The following CYB5D2 variants were observed in gnomAD, a reference collection of about 807,000 sequenced individuals.
CYB5D2 encodes neuferricin.
In CYB5D2, 23 loss-of-function variants were observed where a neutral mutation model predicts 22.8. The observed-to-expected ratio is 1.01, with a 90% CI of 0.73 to 1.43. CYB5D2 has a LOEUF of 1.43. Among genes scored for constraint, CYB5D2 ranks in the 40% most tolerant of loss-of-function variants. The pLI is 0.00. For missense variants in CYB5D2, 373 were observed against 357.2 expected (o/e 1.04, Z -0.36); for synonymous variants, 170 against 152.2 (o/e 1.12, Z -0.86).
At chr17:4,153,261 C>T (rs1049869972) in intron 2 of CYB5D2, among the ~76,000 whole-genome samples, 1 of 151,900 alleles carries the variant, frequency 6.6e-6, no homozygotes, top group Non-Finnish European at 1.5e-5. Context: ...AAGCTGAGAC[C>T]GGCAGGTGAG....
chr17:4,155,669 C>G (rs2059105992), intron 3 of CYB5D2, among the ~76,000 whole-genome samples: 1 of 152,198 alleles, frequency 6.6e-6, no homozygotes, highest in African/African-American at 2.4e-5. Context: ...GTGACACAGG[C>G]CTGAATGCAG....
Position 4,157,033 on chromosome 17 carries a change from A to G in CYB5D2, c.746A>G (p.Glu249Gly). 1 of 1,612,592 alleles carries G rather than the reference A, an allele frequency of 6.2e-7. No homozygotes were observed. The highest frequency in any genetic ancestry group is 8.5e-7 in the Non-Finnish European group (1 of 1,180,006). Residue 249 changes from glutamate to glycine, a missense_variant, in exon 4 of 4, where the codon GAG (glutamate) becomes GGG (glycine). Transcript: ENST00000301391. This position sits in a 1 kb window ranked among gnomAD's most constrained non-coding sequence, Gnocchi z 4.4. ...RGDLDHPNLA[E>G]YTGCPPLAIT... ...GACCTGGACCACCCAAACTTGGCAG[A>G]GTACACAGGCTGCCCACCGCTAGCC...
Position 4,143,672 on chromosome 17 carries a change from T to C in CYB5D2, c.-84T>C. The C allele has an allele frequency of 6.6e-7, 1 of 1,511,690 alleles. No individual in the cohort carries two copies. Among genetic ancestry groups the C allele is most frequent in the Non-Finnish European group, 8.9e-7 (1 of 1,129,304 alleles). The allele number at this position is 1,511,690 out of a possible 1,614,324, so 93.6% of individuals were successfully genotyped here. On this transcript the variant is annotated 5_prime_UTR_variant, in exon 1 of 4. It removes an upstream start codon present in the reference 5' UTR. Transcript: ENST00000301391. ...GAGAGAGCGAGAGCGCGCGCGCCGA[T>C]GACGTCACGCTCGGCGTCTCGGCCA...
chr17:4,152,192 A>C (rs894743411), intron 2 of CYB5D2, among the ~76,000 whole-genome samples: 1 of 152,162 alleles, frequency 6.6e-6, no homozygotes, highest in Admixed American at 6.5e-5. Flanking sequence ...GAAATGCCTC[A>C]GAAGGATTTT....
chr17:4,150,107 G>A, intron 2 of CYB5D2, 76 bp downstream of exon 2: 1 of 1,547,528 alleles, frequency 6.5e-7, no homozygotes, highest in Non-Finnish European at 8.8e-7. Flanking sequence ...TTTAGGGATT[G>A]GGTTCAAGCT....
At chr17:4,156,463 G>A (rs1034167845) in intron 3 of CYB5D2, among the ~76,000 whole-genome samples, 24 of 152,266 alleles carry the variant, frequency 1.6e-4, no homozygotes, top group Non-Finnish European at 3.2e-4. Flanking sequence ...CCTGACCTGC[G>A]CTGGGTTGTA....
rs915571009 is a variant in CYB5D2 at position 4,143,442 on chromosome 17, C to A, written c.-314C>A. ...TTGGGAGGCTGAGGCAGGAGAATCG[C>A]TTGAACCCGGGAGGCGGAGGTTGCA... On this transcript the variant is annotated 5_prime_UTR_variant, in exon 1 of 4. Transcript: ENST00000301391. 1 of 221,870 alleles carries A rather than the reference C, an allele frequency of 4.5e-6. No homozygotes were observed. The highest frequency in any genetic ancestry group is 5.4e-5 in the Admixed American group (1 of 18,406). 13.7% of individuals were successfully genotyped at this position (221,870 alleles called of 1,614,324 possible).
At chr17:4,146,811 C>G (rs769640895) in intron 1 of CYB5D2, among the ~76,000 whole-genome samples, 2 of 152,020 alleles carry the variant, frequency 1.3e-5, no homozygotes, top group Non-Finnish European at 2.9e-5. Flanking sequence ...TTATTCCTTC[C>G]TTTGCCAACC....
chr17:4,157,644 A>G lies in CYB5D2; in HGVS notation c.*562A>G, dbSNP rs916855966. The stretch of plus-strand genomic sequence containing the variant: ...GAGCAAAAGGTGGCTTCCCAGCTCT[A>G]ACAAGGTAACTGGTTAGCATGACAT... On this transcript the variant is annotated 3_prime_UTR_variant, in exon 4 of 4. Transcript: ENST00000301391. This position sits in a 1 kb window ranked among gnomAD's most constrained non-coding sequence, Gnocchi z 4.4. 1 of 156,948 alleles carries G rather than the reference A, an allele frequency of 6.4e-6. No homozygotes were observed. Among genetic ancestry groups the G allele is most frequent in the African/African-American group, 2.4e-5 (1 of 41,490 alleles). 9.7% of individuals were successfully genotyped at this position (156,948 alleles called of 1,614,324 possible). A position where few individuals can be genotyped will look rare whatever the true frequency, so the allele number is the denominator to read the frequency against.
Position 4,143,790 on chromosome 17 carries a change from G to T in CYB5D2, c.35G>T (p.Gly12Val), listed in dbSNP as rs1376650058. ...LRCGGRGLLL[G>V]LAVAAAAVMA... ...TGCGGAGGCCGTGGGCTTTTGTTGG[G>T]CCTGGCTGTAGCCGCAGCAGCGGTA... The change falls in exon 1 of 4, where the codon GGC becomes GTC. Residue 12 changes from glycine to valine, a missense_variant. Transcript: ENST00000301391. 1 of 1,614,070 alleles carries T rather than the reference G, an allele frequency of 6.2e-7. No individual in the cohort carries two copies. Among genetic ancestry groups the T allele is most frequent in the Non-Finnish European group, 8.5e-7 (1 of 1,180,002 alleles).
chr17:4,153,958 ACCTC>A (rs1453280471), intron 2 of CYB5D2, among the ~76,000 whole-genome samples: 1 of 152,174 alleles, frequency 6.6e-6, no homozygotes, highest in East Asian at 1.9e-4. Flanking sequence ...CTTCGGTCGC[ACCTC>A]CCTCAAGTGC....
chr17:4,148,332 C>T (rs897773792), intron 1 of CYB5D2, among the ~76,000 whole-genome samples: 3 of 151,764 alleles, frequency 2.0e-5, no homozygotes, highest in Middle Eastern at 3.2e-3. Flanking sequence ...GCCTGGCCAA[C>T]GTGGCAAAAC....
chr17:4,148,211 A>G (rs2059013892), intron 1 of CYB5D2, among the ~76,000 whole-genome samples: 1 of 150,526 alleles, frequency 6.6e-6, no homozygotes, highest in African/African-American at 2.4e-5. Context: ...GATGTGAGGG[A>G]TGAAGGAAGT....
At position 4,144,016 on chromosome 17, in the gene CYB5D2, G is replaced by C. The variant is rs765037773; in HGVS notation, c.250+11G>C. ...ATAGCGGCTTCGCAGGTATCAGCGA[G>C]GCTGCTCACGCCTTTCTCTCCGCTG... On this transcript the variant is annotated intron_variant, in intron 1 of 3. Coordinates refer to ENST00000301391, the MANE Select transcript of CYB5D2 (RefSeq NM_144611.4). 6.3e-7 allele frequency: 1 copy of C among 1,582,644 alleles called. No individual in the cohort carries two copies. Among genetic ancestry groups the C allele is most frequent in the African/African-American group, 1.3e-5 (1 of 74,158 alleles).
intron 2 of CYB5D2, 108 bp downstream of exon 2, chr17:4,150,139 G>A: frequency 1.4e-6 from 2 of 1,408,524 alleles, no homozygotes; most frequent in Non-Finnish European, 2.0e-6. Flanking sequence ...AAACAGCCAT[G>A]GATTTGTTTT....
intron 1 of CYB5D2, among the ~76,000 whole-genome samples, chr17:4,144,235 T>C (rs985150536): frequency 6.6e-6 from 1 of 152,152 alleles, no homozygotes; most frequent in Non-Finnish European, 1.5e-5. Flanking sequence ...GTGACTTACA[T>C]TGGAGAAACA....
chr17:4,144,120 C>A, intron 1 of CYB5D2, 115 bp downstream of exon 1: 1 of 1,406,908 alleles, frequency 7.1e-7, no homozygotes, highest in Non-Finnish European at 9.5e-7. Flanking sequence ...ACCCCACATC[C>A]ATCAAACCCG....
At chr17:4,145,053 T>C (rs1482306530) in intron 1 of CYB5D2, among the ~76,000 whole-genome samples, 1 of 152,154 alleles carries the variant, frequency 6.6e-6, no homozygotes, top group Non-Finnish European at 1.5e-5. Context: ...CCCAAAGTGC[T>C]GGGATTACAG....
chr17:4,143,752 A>G lies in CYB5D2; in HGVS notation c.-4A>G, dbSNP rs2058928356. 8.1e-6 allele frequency: 13 copies of G among 1,612,650 alleles called. No homozygotes were observed. The highest frequency in any genetic ancestry group is 1.1e-5 in the Non-Finnish European group (13 of 1,179,536). ...GGAAGTGCGGAGCGGGTGGGCCTAT[A>G]TAGATGTTGAGGTGCGGAGGCCGTG... On this transcript the variant is annotated 5_prime_UTR_variant, in exon 1 of 4. The change creates a new upstream start codon in the 5' untranslated region. Coordinates refer to ENST00000301391, the MANE Select transcript of CYB5D2 (RefSeq NM_144611.4).
Sources: allele counts gnomAD v4.1 joint callset (sites outside exome capture counted in the v4.1 genomes callset), GRCh38; gene constraint gnomAD v4.1.1; non-coding constraint Gnocchi (gnomAD v3.1); transcripts MANE v1.5; gene names NCBI Gene and HGNC (gene_info 2026-07-23, HGNC 2026-07-21).